Variants in MANEAL observed in about 807,000 individuals in gnomAD.
MANEAL encodes the protein mannosidase endo-alpha like.
Under a neutral mutation model 35.9 loss-of-function variants are expected in MANEAL, and 28 were observed. The observed-to-expected ratio is 0.78, with a 90% confidence interval of 0.58 to 1.07. The LOEUF is 1.07. Among genes scored for constraint, MANEAL ranks in the 50% least tolerant of loss-of-function variants. The probability of loss-of-function intolerance (pLI) is 0.00; values close to 1 mark genes in which losing one functional copy is unlikely to be tolerated. For missense variants in MANEAL, 576 were observed against 629.6 expected (o/e 0.91, Z 0.91); for synonymous variants, 286 against 272.2 (o/e 1.05, Z -0.50).
Position 37,799,645 on chromosome 1 carries a change from A to G in MANEAL, c.816A>G (p.Ser272=). The part of the protein sequence containing the change: ...KSLPLFYIYD[S]YLTSPEAWAH... ...TCCCACTCTTTTATATCTACGACTCATACCTGACGTCCCCTGAGGCCTGGG... is the reference window on the plus strand; with the variant it reads ...TCCCACTCTTTTATATCTACGACTCGTACCTGACGTCCCCTGAGGCCTGGG... Residue 272 remains serine, a synonymous_variant, in exon 4 of 4, where the codon TCA becomes TCG. Transcript: ENST00000373045. The surrounding 1 kb of genome is among the most constrained non-coding windows in gnomAD (Gnocchi z 4.1). 2 of 1,614,172 alleles carry G rather than the reference A, an allele frequency of 1.2e-6. No homozygotes were observed. Among genetic ancestry groups the G allele is most frequent in the Middle Eastern group, 3.3e-4 (2 of 6,062 alleles).
Position 37,799,780 on chromosome 1 carries a change from C to T in MANEAL, c.951C>T (p.Ala317=), listed in dbSNP as rs773896323. 1.2e-5 allele frequency: 20 copies of T among 1,614,104 alleles called. No individual in the cohort carries two copies. The highest frequency in any genetic ancestry group is 4.5e-5 in the East Asian group (2 of 44,904). Residue 317 remains alanine, a synonymous_variant, in exon 4 of 4, where the codon GCC becomes GCT. Coordinates refer to ENST00000373045, the MANE Select transcript of MANEAL (RefSeq NM_001113482.2). This position sits in a 1 kb window ranked among gnomAD's most constrained non-coding sequence, Gnocchi z 4.1. Reference sequence around the variant, plus strand: ...GCCACACCCACGATATCCTGGCCGCCGGATTTGACGGCATGTACACCTACT... The same window carrying T: ...GCCACACCCACGATATCCTGGCCGCTGGATTTGACGGCATGTACACCTACT... ...EEGHTHDILA[A]GFDGMYTYFA...
chr1:37,797,927 A>C (rs1646658814), intron 3 of MANEAL, among the ~76,000 whole-genome samples: 1 of 151,382 alleles, frequency 6.6e-6, no homozygotes, highest in East Asian at 1.9e-4. Flanking sequence ...GGGAGGATTG[A>C]TTGCTTGAGG....
At position 37,794,128 on chromosome 1, in the gene MANEAL, C is replaced by G. The variant is rs945355314; in HGVS notation, c.-55C>G. 9.2e-7 allele frequency: 1 copy of G among 1,091,356 alleles called. No homozygotes were observed. The highest frequency in any genetic ancestry group is 1.7e-5 in the African/African-American group (1 of 59,144). 67.6% of individuals were successfully genotyped at this position (1,091,356 alleles called of 1,614,324 possible). ...GGAAGCGCGCGGCCGGGCGGGCGGCCATGGCGCGGCACGCTGGGAGGTAGC... is the reference window on the plus strand; with the variant it reads ...GGAAGCGCGCGGCCGGGCGGGCGGCGATGGCGCGGCACGCTGGGAGGTAGC... On this transcript the variant is annotated 5_prime_UTR_variant, in exon 1 of 4. Coordinates refer to ENST00000373045, the MANE Select transcript of MANEAL (RefSeq NM_001113482.2). The surrounding 1 kb of genome is among the most constrained non-coding windows in gnomAD (Gnocchi z 5.7).
chr1:37,800,237 C>A lies in MANEAL; in HGVS notation c.*34C>A. On this transcript the variant is annotated 3_prime_UTR_variant, in exon 4 of 4. Coordinates refer to ENST00000373045, the MANE Select transcript of MANEAL (RefSeq NM_001113482.2). ...TAAATGGGCGTGAGGTGCTGATGTCCTTGCCTTGCTGGAAGATGTCACCAT... is the reference window on the plus strand; with the variant it reads ...TAAATGGGCGTGAGGTGCTGATGTCATTGCCTTGCTGGAAGATGTCACCAT... The A allele has an allele frequency of 6.3e-7, 1 of 1,597,798 alleles. No individual in the cohort carries two copies.
intron 2 of MANEAL, 125 bp from the exon 3 acceptor site, chr1:37,796,618 GC>G (rs1646647138): frequency 5.7e-6 from 5 of 869,806 alleles, no homozygotes; most frequent in Non-Finnish European, 9.1e-6. Context: ...TCTCTACTGT[GC>G]CCACCACTGC....
In MANEAL at chr1:37,799,523, C is replaced by A; in HGVS notation, c.738-44C>A. The A allele has an allele frequency of 6.3e-7, 1 of 1,581,574 alleles. No individual in the cohort carries two copies. The highest frequency in any genetic ancestry group is 8.6e-7 in the Non-Finnish European group (1 of 1,163,966). ...ATCCACGGGAGGTCCTACAGCTGTG[C>A]TGGTCTCTCCCATCCAGCTGAGGCT... On this transcript the variant is annotated intron_variant, in intron 3 of 3. Coordinates refer to ENST00000373045, the MANE Select transcript of MANEAL (RefSeq NM_001113482.2). The surrounding 1 kb of genome is among the most constrained non-coding windows in gnomAD (Gnocchi z 4.1).
At chr1:37,797,800 C>T (rs996557980) in intron 3 of MANEAL, among the ~76,000 whole-genome samples, 2 of 151,874 alleles carry the variant, frequency 1.3e-5, no homozygotes, top group Admixed American at 1.3e-4. Flanking sequence ...CCATGTTGGC[C>T]AGGCTGGTCT....
At position 37,799,657 on chromosome 1, in the gene MANEAL, C is replaced by T; in HGVS notation, c.828C>T (p.Ser276=). 1.2e-6 allele frequency: 2 copies of T among 1,614,204 alleles called. No homozygotes were observed. The highest frequency in any genetic ancestry group is 1.7e-6 in the Non-Finnish European group (2 of 1,180,042). ...LFYIYDSYLT[S]PEAWAHLLTP... is the part of the protein sequence containing the mutation. Reference sequence around the variant, plus strand: ...ATATCTACGACTCATACCTGACGTCCCCTGAGGCCTGGGCCCACCTCCTGA... The same window carrying T: ...ATATCTACGACTCATACCTGACGTCTCCTGAGGCCTGGGCCCACCTCCTGA... The change falls in exon 4 of 4, where the codon TCC becomes TCT. Residue 276 remains serine, a synonymous_variant. Coordinates refer to ENST00000373045, the MANE Select transcript of MANEAL (RefSeq NM_001113482.2). This position sits in a 1 kb window ranked among gnomAD's most constrained non-coding sequence, Gnocchi z 4.1.
At position 37,794,243 on chromosome 1, in the gene MANEAL, G is replaced by C. The variant is rs1355582441; in HGVS notation, c.61G>C (p.Gly21Arg). The C allele has an allele frequency of 4.5e-6, 6 of 1,334,810 alleles. No individual in the cohort carries two copies. The highest frequency in any genetic ancestry group is 7.7e-5 in the East Asian group (2 of 25,934). 82.7% of individuals were successfully genotyped at this position (1,334,810 alleles called of 1,614,324 possible). A position where few individuals can be genotyped will look rare whatever the true frequency, so the allele number is the denominator to read the frequency against. The change falls in exon 1 of 4, where the codon GGC becomes CGC. Residue 21 changes from glycine (G) to arginine (R), a missense_variant. Gly to Arg is a moderately radical substitution (Grantham distance 125, BLOSUM62 -2). Coordinates refer to ENST00000373045, the MANE Select transcript of MANEAL (RefSeq NM_001113482.2). The surrounding 1 kb of genome is among the most constrained non-coding windows in gnomAD (Gnocchi z 5.7). ...GTTCCTGGTGCTGCTCTTCGCCTTC[G>C]GCACCCTCATGGGTCTGCGCACGCT... ...ALFLVLLFAF[G>R]TLMGLRTLKA... is the part of the protein sequence containing the mutation.
Position 37,799,482 on chromosome 1 carries a change from G to A in MANEAL, c.738-85G>A. On this transcript the variant is annotated intron_variant, in intron 3 of 3. Coordinates refer to ENST00000373045, the MANE Select transcript of MANEAL (RefSeq NM_001113482.2). The surrounding 1 kb of genome is among the most constrained non-coding windows in gnomAD (Gnocchi z 4.1). The stretch of plus-strand genomic sequence containing the variant: ...CTGACTGGCTCCAGAACTGGGCTGT[G>A]TTGCATCCGTATCTCATCCACGGGA... 2 of 1,460,346 alleles carry A rather than the reference G, an allele frequency of 1.4e-6. No individual in the cohort carries two copies. The highest frequency in any genetic ancestry group is 1.8e-6 in the Non-Finnish European group (2 of 1,083,698). The allele number at this position is 1,460,346 out of a possible 1,614,324, so 90.5% of individuals were successfully genotyped here.
rs1646674082 is a variant in MANEAL at position 37,799,374 on chromosome 1, G to A, written c.738-193G>A. Among the ~76,000 whole-genome samples the A allele has an allele frequency of 6.6e-6, 1 of 152,204 alleles. No homozygotes were observed. The highest frequency in any genetic ancestry group is 1.5e-5 in the Non-Finnish European group (1 of 68,024). ...TGGTGGCTTGGCTAAGGGTAGGGAA[G>A]TGAGGCTTAGGAATGACAACTGGAG... is the stretch of plus-strand genomic sequence containing the variant. On this transcript the variant is annotated intron_variant, in intron 3 of 3. Coordinates refer to ENST00000373045, the MANE Select transcript of MANEAL (RefSeq NM_001113482.2). This position sits in a 1 kb window ranked among gnomAD's most constrained non-coding sequence, Gnocchi z 4.1.
At chr1:37,798,998 C>T (rs1276910384) in intron 3 of MANEAL, among the ~76,000 whole-genome samples, 1 of 152,044 alleles carries the variant, frequency 6.6e-6, no homozygotes, top group Non-Finnish European at 1.5e-5. Context: ...TGAGATCGCC[C>T]ACCGCACTCC....
rs765704330 is a variant in MANEAL at position 37,800,137 on chromosome 1, G to C, written c.1308G>C (p.Leu436=). ...ACTACCTGCCTCACCAGCCCAGCCTGTACCTGGAGCTGACACGCCGCTGGG... is the reference window on the plus strand; with the variant it reads ...ACTACCTGCCTCACCAGCCCAGCCTCTACCTGGAGCTGACACGCCGCTGGG... ...YLDYLPHQPS[L]YLELTRRWAE... The change falls in exon 4 of 4, where the codon CTG becomes CTC. Residue 436 remains leucine (L), a synonymous_variant. Coordinates refer to ENST00000373045, the MANE Select transcript of MANEAL (RefSeq NM_001113482.2). 4 of 1,613,996 alleles carry C rather than the reference G, an allele frequency of 2.5e-6. No individual in the cohort carries two copies. Among genetic ancestry groups the C allele is most frequent in the Non-Finnish European group, 3.4e-6 (4 of 1,180,036 alleles).
intron 3 of MANEAL, 22 bp downstream of exon 3, chr1:37,796,842 G>A: frequency 6.3e-7 from 1 of 1,595,822 alleles, no homozygotes; most frequent in South Asian, 1.1e-5. Flanking sequence ...CTGGGGGCCG[G>A]GATTTTGGTG....
chr1:37,797,662 T>C (rs1280569102), intron 3 of MANEAL, among the ~76,000 whole-genome samples: 1 of 151,924 alleles, frequency 6.6e-6, no homozygotes, highest in Non-Finnish European at 1.5e-5. Context: ...TATCTTTAGC[T>C]GGGCGTGGTG....
At position 37,795,730 on chromosome 1, in the gene MANEAL, G is replaced by A. The variant is rs377173849; in HGVS notation, c.551-7G>A. The A allele has an allele frequency of 3.8e-5, 62 of 1,614,106 alleles. No homozygotes were observed. In the African/African-American group the frequency reaches 6.0e-4, roughly 16 times the overall value. On this transcript the variant is annotated splice_region_variant and splice_polypyrimidine_tract_variant and intron_variant, in intron 1 of 3. Coordinates refer to ENST00000373045, the MANE Select transcript of MANEAL (RefSeq NM_001113482.2). ...GTCTCTGAAGTGGCCTCTGTGTTGC[G>A]TCTCAGGCGTCCTGGTCCTGTCCTG...
At position 37,800,094 on chromosome 1, in the gene MANEAL, C is replaced by T; in HGVS notation, c.1265C>T (p.Pro422Leu). Residue 422 changes from proline to leucine, a missense_variant, in exon 4 of 4, where the codon CCC becomes CTC. Pro to Leu is a moderately conservative substitution (Grantham distance 98, BLOSUM62 -3). Around this residue, in one of 3 missense-constraint regions of MANEAL, gnomAD observed 449 missense variants for 516.1 expected, o/e 0.87. Transcript: ENST00000373045. ...QIEKAIPKKT[P>L]TRLYLDYLPH... ...GAGAAGGCCATTCCCAAGAAGACAC[C>T]CACCCGCCTGTATTTGGACTACCTG... 2 of 1,613,788 alleles carry T rather than the reference C, an allele frequency of 1.2e-6. No homozygotes were observed. The highest frequency in any genetic ancestry group is 1.7e-6 in the Non-Finnish European group (2 of 1,180,032).
In MANEAL at chr1:37,794,290, G is replaced by A; in HGVS notation, c.108G>A (p.Pro36=). The change falls in exon 1 of 4, where the codon CCG becomes CCA. Residue 36 remains proline (P), a synonymous_variant. Transcript: ENST00000373045. This position sits in a 1 kb window ranked among gnomAD's most constrained non-coding sequence, Gnocchi z 5.7. ...CGCTCAAGGCTCCGGACGGACTCCCGGCGCTGGGCCCGGGCCTGGAGCTGG... is the reference window on the plus strand; with the variant it reads ...CGCTCAAGGCTCCGGACGGACTCCCAGCGCTGGGCCCGGGCCTGGAGCTGG... ...LRTLKAPDGL[P]ALGPGLELAP... is the part of the protein sequence containing the mutation. The A allele has an allele frequency of 8.1e-7, 1 of 1,237,826 alleles. No individual in the cohort carries two copies. Among genetic ancestry groups the A allele is most frequent in the East Asian group, 4.2e-5 (1 of 23,734 alleles). 76.7% of individuals were successfully genotyped at this position (1,237,826 alleles called of 1,614,324 possible).
At position 37,800,395 on chromosome 1, in the gene MANEAL, G is replaced by A. The variant is rs944756026; in HGVS notation, c.*192G>A. On this transcript the variant is annotated 3_prime_UTR_variant, in exon 4 of 4. Coordinates refer to ENST00000373045, the MANE Select transcript of MANEAL (RefSeq NM_001113482.2). ...CGTTCCTCAGGCGAGTGGTGCTGAG[G>A]TGCTCTGTGGTGATGGGAACGGCAG... The A allele has an allele frequency of 4.5e-6, 3 of 659,670 alleles. No homozygotes were observed. In the African/African-American group the frequency reaches 5.5e-5, roughly 12 times the overall value. The allele number at this position is 659,670 out of a possible 1,614,324, so 40.9% of individuals were successfully genotyped here.
Sources: allele counts gnomAD v4.1 joint callset (sites outside exome capture counted in the v4.1 genomes callset), GRCh38; gene constraint gnomAD v4.1.1; regional missense constraint gnomAD v4.1.1; non-coding constraint Gnocchi (gnomAD v3.1); transcripts MANE v1.5; gene names NCBI Gene and HGNC (gene_info 2026-07-23, HGNC 2026-07-21).